PDZD2: variants seen among roughly 807,000 people sequenced by gnomAD.
PDZD2 encodes PDZ domain containing 2.
In PDZD2, 90 loss-of-function variants were observed where a neutral mutation model predicts 220.7. The observed-to-expected ratio is 0.41, with a 90% confidence interval of 0.34 to 0.49. PDZD2 has a LOEUF of 0.49. Among genes scored for constraint, PDZD2 ranks in the 20% least tolerant of loss-of-function variants. The pLI is 0.28. For missense variants in PDZD2, 3,174 were observed against 3,608.5 expected, an observed-to-expected ratio of 0.88 and a Z score of 3.08; for synonymous variants, 1,375 against 1,450.5, an observed-to-expected ratio of 0.95 and a Z score of 1.18.
chr5:31,847,850 C>A, intron 2 of PDZD2: 1 of 534,708 alleles, frequency 1.9e-6, no homozygotes, highest in Non-Finnish European at 3.7e-6. Context: ...GAAGTTAATG[C>A]ATTGGAAGCA....
intron 1 of PDZD2, among the ~76,000 whole-genome samples, chr5:31,640,406 T>C (rs772919040): frequency 4.6e-5 from 7 of 152,160 alleles, no homozygotes; most frequent in Non-Finnish European, 8.8e-5. Context: ...TGGAGCTGAG[T>C]CTGAGTCTGT....
At chr5:31,851,809 T>C (rs1175235411) in intron 2 of PDZD2, among the ~76,000 whole-genome samples, 1 of 152,156 alleles carries the variant, frequency 6.6e-6, no homozygotes, top group Non-Finnish European at 1.5e-5. Flanking sequence ...GAATGGCATA[T>C]GGATGCAAAA....
intron 1 of PDZD2, among the ~76,000 whole-genome samples, chr5:31,711,595 G>A (rs1209779709): frequency 6.6e-6 from 1 of 152,152 alleles, no homozygotes; most frequent in Admixed American, 6.5e-5. Flanking sequence ...TGTGACTCAG[G>A]GTGGGTGTTT....
intron 1 of PDZD2, among the ~76,000 whole-genome samples, chr5:31,771,124 G>C (rs1752315377): frequency 6.6e-6 from 1 of 152,194 alleles, no homozygotes; most frequent in Non-Finnish European, 1.5e-5. Flanking sequence ...TGTATTTGCT[G>C]TTTATAAATT....
At chr5:31,707,056 A>G (rs942065889) in intron 1 of PDZD2, among the ~76,000 whole-genome samples, 1 of 150,228 alleles carries the variant, frequency 6.7e-6, no homozygotes, top group Admixed American at 6.7e-5. Context: ...GTGTCCTTCA[A>G]GAAAGCAAAC....
At chr5:31,852,319 C>T (rs568256920) in intron 2 of PDZD2, among the ~76,000 whole-genome samples, 5 of 151,434 alleles carry the variant, frequency 3.3e-5, no homozygotes, top group Non-Finnish European at 5.9e-5. Context: ...ATTGCTGTGT[C>T]GCCCAGGCTG....
At chr5:31,840,191 C>T (rs1012653283) in intron 2 of PDZD2, among the ~76,000 whole-genome samples, 1 of 151,534 alleles carries the variant, frequency 6.6e-6, no homozygotes, top group African/African-American at 2.4e-5. Flanking sequence ...GAGCCGTGAT[C>T]ATGCCAATGC....
At chr5:32,002,733 C>G (rs1241033964) in intron 5 of PDZD2, among the ~76,000 whole-genome samples, 2 of 108,556 alleles carry the variant, frequency 1.8e-5, no homozygotes, top group Non-Finnish European at 3.8e-5. Flanking sequence ...CCAACACACA[C>G]ACCCCACACA....
chr5:32,057,619 G>C lies in PDZD2; in HGVS notation c.1901-36G>C, dbSNP rs375902070. 4 of 1,224,772 alleles carry C rather than the reference G, an allele frequency of 3.3e-6. No individual in the cohort carries two copies. The East Asian group carries it at 7.0e-5, about 21-fold the overall frequency. The allele number at this position is 1,224,772 out of a possible 1,614,324, so 75.9% of individuals were successfully genotyped here. Reference sequence around the variant, plus strand: ...GCAGTTAAATTCCAGGAAATTAAAGGCTAATGTTAATGTAATTCTCACATT... The same window carrying C: ...GCAGTTAAATTCCAGGAAATTAAAGCCTAATGTTAATGTAATTCTCACATT... On this transcript the variant is annotated intron_variant, in intron 10 of 24. Transcript: ENST00000438447.
intron 1 of PDZD2, among the ~76,000 whole-genome samples, chr5:31,741,037 T>C (rs1206983590): frequency 4.6e-5 from 7 of 152,222 alleles, no homozygotes; most frequent in Non-Finnish European, 2.9e-5. Flanking sequence ...TGTTCAGACA[T>C]GTTTTAACAT....
intron 2 of PDZD2, among the ~76,000 whole-genome samples, chr5:31,958,724 A>T (rs1024969023): frequency 6.6e-6 from 1 of 151,372 alleles, no homozygotes; most frequent in African/African-American, 2.4e-5. Context: ...AGGCTCAAGC[A>T]ATCCTCCCAC....
chr5:31,796,359 A>T (rs1754024583), intron 1 of PDZD2, among the ~76,000 whole-genome samples: 1 of 152,094 alleles, frequency 6.6e-6, no homozygotes. Flanking sequence ...GCTGTGGGGA[A>T]CCCAGGGGCG....
intron 3 of PDZD2, among the ~76,000 whole-genome samples, chr5:31,992,411 G>A (rs934405596): frequency 2.7e-5 from 4 of 146,946 alleles, no homozygotes; most frequent in African/African-American, 7.6e-5. Flanking sequence ...TGCTCTTGAT[G>A]GAAAGTGTCT....
chr5:32,104,382 G>A (rs754095483), intron 24 of PDZD2, among the ~76,000 whole-genome samples: 1 of 150,836 alleles, frequency 6.6e-6, no homozygotes, highest in Admixed American at 6.6e-5. Context: ...TTTTAACAGG[G>A]TCTAGCTCTG....
chr5:31,847,867 G>A (rs960928755), intron 2 of PDZD2: 9 of 514,022 alleles, frequency 1.8e-5, no homozygotes, highest in Middle Eastern at 6.5e-4. Flanking sequence ...AGCACATCAC[G>A]TGTCAGAATG....
At chr5:32,049,832 G>A (rs544829884) in intron 8 of PDZD2, among the ~76,000 whole-genome samples, 15 of 152,296 alleles carry the variant, frequency 9.8e-5, no homozygotes, top group Admixed American at 5.2e-4. Flanking sequence ...CATGGGACCA[G>A]TCAAACTTGT....
chr5:32,002,955 CA>C (rs1752370277), intron 5 of PDZD2, among the ~76,000 whole-genome samples: 1 of 124,230 alleles, frequency 8.0e-6, no homozygotes. Context: ...ACACACACAC[CA>C]CACACACACC....
intron 1 of PDZD2, among the ~76,000 whole-genome samples, chr5:31,771,931 C>T (rs1395896893): frequency 6.6e-6 from 1 of 152,088 alleles, no homozygotes; most frequent in African/African-American, 2.4e-5. Context: ...ACTTTTTAGG[C>T]ACTGGAACCC....
At position 32,088,627 on chromosome 5, in the gene PDZD2, T is replaced by TC; in HGVS notation, c.5184dup (p.Asn1729GlnfsTer9). 1 of 1,613,774 alleles carries TC rather than the reference T, an allele frequency of 6.2e-7. No homozygotes were observed. On this transcript the variant is annotated frameshift_variant, in exon 20 of 25. Transcript: ENST00000438447. LOFTEE classifies it high-confidence loss of function. This position sits in a 1 kb window ranked among gnomAD's most constrained non-coding sequence, Gnocchi z 4.6. ...TCACAGTCCGCCCATCATTCTCAGC[T>TC]CCCCCAACATGGTAAATGGCTTGGA...
Sources: allele counts gnomAD v4.1 joint callset (sites outside exome capture counted in the v4.1 genomes callset), GRCh38; gene constraint gnomAD v4.1.1; non-coding constraint Gnocchi (gnomAD v3.1); transcripts MANE v1.5; gene names NCBI Gene and HGNC (gene_info 2026-07-23, HGNC 2026-07-21).